The following KDM5C variants were observed in gnomAD, a reference collection of about 807,000 sequenced individuals.
The protein encoded by KDM5C is lysine demethylase 5C.
In KDM5C, 16 loss-of-function variants were observed where a neutral mutation model predicts 110.6. The ratio of observed to expected loss-of-function variants is 0.14; its 90% CI spans 0.10 to 0.22. The LOEUF (loss-of-function observed/expected upper bound fraction) is 0.22. Among genes scored for constraint, KDM5C ranks in the 10% least tolerant of loss-of-function variants. KDM5C has a pLI of 1.00. For synonymous variants in KDM5C, 511 were observed against 520.4 expected (o/e 0.98, Z 0.24); for missense variants, 681 against 1,300.9 (o/e 0.52, Z 7.33).
Position 53,198,544 on chromosome X carries a change from T to A in KDM5C, c.2462A>T (p.Glu821Val), listed in dbSNP as rs377327486. Reference protein sequence around the residue: ...LLQQLKNCLSEAEACVSRALG... With the variant: ...LLQQLKNCLSVAEACVSRALG... ...AGCTCGGGACACGCAAGCCTCTGCC[T>A]CACTCAGGCAGTTCTTTAGTTGCTG... The change falls in exon 17 of 26, where the codon GAG (glutamate) becomes GTG (valine). Residue 821 changes from glutamate to valine, a missense_variant. Physicochemically the swap from Glu to Val is moderately radical, Grantham distance 121. Around this residue, in one of 14 missense-constraint regions of KDM5C, gnomAD observed 123 missense variants for 169.0 expected, o/e 0.73. Coordinates refer to ENST00000375401, the MANE Select transcript of KDM5C (RefSeq NM_004187.5). 21 of 1,208,674 alleles carry A rather than the reference T, an allele frequency of 1.7e-5. No homozygotes were observed. The highest frequency in any genetic ancestry group is 3.5e-5 in the African/African-American group (2 of 57,315).
intron 12 of KDM5C, among the ~76,000 whole-genome samples, chrX:53,209,886 C>A (rs1389467496): frequency 8.9e-6 from 1 of 112,667 alleles, no homozygotes; most frequent in Non-Finnish European, 1.9e-5. Context: ...GACCTATCCA[C>A]TGCTCTGAGA....
intron 25 of KDM5C, among the ~76,000 whole-genome samples, chrX:53,179,063 T>G (rs1933956990): frequency 8.9e-6 from 1 of 112,257 alleles, no homozygotes. Context: ...GGTGAAACCT[T>G]GTCTCTACCA....
intron 25 of KDM5C, among the ~76,000 whole-genome samples, chrX:53,179,281 G>A (rs1253850120): frequency 9.2e-6 from 1 of 109,256 alleles, no homozygotes; most frequent in Non-Finnish European, 1.9e-5. Context: ...AGCCGAGATC[G>A]TGCCATTGCA....
intron 5 of KDM5C, among the ~76,000 whole-genome samples, chrX:53,216,778 T>C (rs1351337561): frequency 8.9e-6 from 1 of 112,214 alleles, no homozygotes; most frequent in African/African-American, 3.2e-5. Flanking sequence ...GAATAGCCAC[T>C]GTACTCCAGT....
At chrX:53,206,203 A>G (rs2073323369) in intron 12 of KDM5C, among the ~76,000 whole-genome samples, 1 of 112,511 alleles carries the variant, frequency 8.9e-6, no homozygotes, top group African/African-American at 3.2e-5. Flanking sequence ...AAAACATGCT[A>G]AGTGAGAGAA....
downstream of KDM5C, among the ~76,000 whole-genome samples, chrX:53,188,696 AAT>A (rs1934309041): frequency 9.0e-6 from 1 of 111,424 alleles, no homozygotes; most frequent in Non-Finnish European, 1.9e-5. Context: ...ACTTCTAACG[AAT>A]AGAATATTGC....
Position 53,217,289 on chromosome X carries a change from T to A in KDM5C, c.523-12A>T, listed in dbSNP as rs782624171. ...CGTGTGTTACACTGCTGGGGACAGG[T>A]AAGGGGTAAGGGTCAGGACATGGAC... On this transcript the variant is annotated splice_polypyrimidine_tract_variant and intron_variant, in intron 4 of 25. Transcript: ENST00000375401. The A allele has an allele frequency of 8.3e-7, 1 of 1,207,955 alleles. No individual in the cohort carries two copies. Among genetic ancestry groups the A allele is most frequent in the East Asian group, 3.0e-5 (1 of 33,707 alleles).
At chrX:53,209,624 C>T (rs781991674) in intron 12 of KDM5C, among the ~76,000 whole-genome samples, 78 of 110,946 alleles carry the variant, frequency 7.0e-4, no homozygotes, top group African/African-American at 2.6e-3. Flanking sequence ...GAGTAGCAGC[C>T]CCGGATAATA....
Position 53,196,760 on chromosome X carries a change from G to A in KDM5C, c.2907C>T (p.Ala969=), listed in dbSNP as rs1245673492. 9.1e-6 allele frequency: 11 copies of A among 1,211,353 alleles called. No homozygotes were observed. Among genetic ancestry groups the A allele is most frequent in the African/African-American group, 1.7e-5 (1 of 57,594 alleles). The change falls in exon 19 of 26, where the codon GCC becomes GCT. Residue 969 remains alanine (A), a synonymous_variant. Coordinates refer to ENST00000375401, the MANE Select transcript of KDM5C (RefSeq NM_004187.5). ...TCAGCAGTTCCTGCAGCTCGGCCTG[G>A]GCTTTATCCACAGCAGGGCTAGGGG... ...SVAPSPAVDK[A]QAELQELLTI... is the part of the protein sequence containing the mutation.
rs1367618597 is a variant in KDM5C, at chrX:53,207,676, C to T, written c.1746+2738G>A. 7.2e-5 allele frequency among the ~76,000 whole-genome samples: 8 copies of T among 111,420 alleles called. No individual in the cohort carries two copies. The East Asian group carries it at 2.0e-3, about 27-fold the overall frequency. On this transcript the variant is annotated intron_variant, in intron 12 of 25. Transcript: ENST00000375401. ...TTTATAATGAAAATAGGCCCGGGCG[C>T]GGTGGCTCACGCCTGTAATCCTAGC...
Position 53,215,858 on chromosome X carries a change from G to A in KDM5C, c.900C>T (p.His300=). The A allele has an allele frequency of 8.3e-7, 1 of 1,211,801 alleles. No homozygotes were observed. ...TCATCTTGGTGCAGGGTTCTGGGCTGTGACTCAGCTCCTCCTTGCTCTCCA... is the reference window on the plus strand; with the variant it reads ...TCATCTTGGTGCAGGGTTCTGGGCTATGACTCAGCTCCTCCTTGCTCTCCA... ...TFLESKEELS[H]SPEPCTKMTM... The change falls in exon 7 of 26, where the codon CAC becomes CAT. Residue 300 remains histidine, a synonymous_variant. Transcript: ENST00000375401.
At chrX:53,191,752 A>C (rs1934432622), downstream of KDM5C, 1 of 173,952 alleles carries the variant, frequency 5.7e-6, no homozygotes, top group African/African-American at 3.0e-5. Flanking sequence ...GTATATAATC[A>C]GATCTACACT....
In KDM5C at chrX:53,196,934, C is replaced by G. The variant is rs1556837533; in HGVS notation, c.2733G>C (p.Leu911=). The part of the protein sequence containing the change: ...LQSLLERGRQ[L]GVEVPEAQQL... ...GCTGGGCCTCAGGCACCTCCACCCC[C>G]AGCTGCCGCCCCCTCTCCAACAGGG... Residue 911 remains leucine, a synonymous_variant, in exon 19 of 26, where the codon CTG becomes CTC. Coordinates refer to ENST00000375401, the MANE Select transcript of KDM5C (RefSeq NM_004187.5). 1.7e-6 allele frequency: 2 copies of G among 1,197,488 alleles called. No homozygotes were observed. The highest frequency in any genetic ancestry group is 4.5e-5 in the Admixed American group (2 of 44,428).
intron 19 of KDM5C, 39 bp from the exon 20 acceptor site, chrX:53,196,093 G>T (rs1556836593): frequency 8.3e-7 from 1 of 1,204,579 alleles, no homozygotes; most frequent in Non-Finnish European, 1.1e-6. Context: ...GTCTGATGTG[G>T]TCTGCCTGAC....
intron 12 of KDM5C, among the ~76,000 whole-genome samples, chrX:53,208,256 T>C (rs1301798071): frequency 9.2e-6 from 1 of 108,754 alleles, no homozygotes; most frequent in Admixed American, 1.0e-4. Context: ...AAGTAGCAGC[T>C]GGCCAGAGAA....
chrX:53,215,573 T>C lies in KDM5C; in HGVS notation c.963+222A>G, dbSNP rs1156935567. ...GCAATGGAGAGTGAGACTCCTTCTC[T>C]GGACCCTTCCAGCACTTCATGTTGA... is the stretch of plus-strand genomic sequence containing the variant. On this transcript the variant is annotated intron_variant, in intron 7 of 25. Coordinates refer to ENST00000375401, the MANE Select transcript of KDM5C (RefSeq NM_004187.5). 4 of 454,829 alleles carry C rather than the reference T, an allele frequency of 8.8e-6. No individual in the cohort carries two copies. The South Asian group carries it at 1.3e-4, about 15-fold the overall frequency. 37.5% of individuals were successfully genotyped at this position (454,829 alleles called of 1,213,427 possible).
chrX:53,194,099 G>A (rs1934634400), intron 23 of KDM5C, 40 bp downstream of exon 23: 3 of 1,178,551 alleles, frequency 2.5e-6, no homozygotes, highest in Non-Finnish European at 3.4e-6. Context: ...GGGGCTAGGA[G>A]ACAAGAATCT....
At chrX:53,200,957 T>C (rs1459929375) in intron 14 of KDM5C, among the ~76,000 whole-genome samples, 1 of 112,635 alleles carries the variant, frequency 8.9e-6, no homozygotes, top group Non-Finnish European at 1.9e-5. Flanking sequence ...CTGCATGTAA[T>C]AAAATGGCAA....
At chrX:53,218,802 A>T (rs1415840874) in intron 2 of KDM5C, 18 of 263,997 alleles carry the variant, frequency 6.8e-5, no homozygotes, top group South Asian at 2.5e-4. Context: ...TCAAACTCCT[A>T]AGCTCAAGCA....
Sources: gnomAD v4.1 joint callset for allele counts (sites outside exome capture counted in the v4.1 genomes callset) on GRCh38, gnomAD v4.1.1 for gene constraint, gnomAD v4.1.1 regional missense constraint, MANE v1.5 for transcripts, NCBI Gene and HGNC (gene_info 2026-07-23, HGNC 2026-07-21) for gene names.